ZNF446: variants seen among roughly 807,000 people sequenced by gnomAD.
ZNF446 encodes the protein zinc finger protein with KRAB and SCAN domains 20.
ZNF446 carries 42 observed loss-of-function variants against 34.0 expected under a neutral mutation model. The ratio of observed to expected loss-of-function variants is 1.23; its 90% confidence interval spans 0.96 to 1.60. The LOEUF (loss-of-function observed/expected upper bound fraction) is 1.60. ZNF446 is among the 40% of genes most tolerant of loss of function. The pLI is 0.00. For synonymous variants in ZNF446, 315 were observed against 251.0 expected (o/e 1.25, Z -2.41); for missense variants, 650 against 600.2 (o/e 1.08, Z -0.87).
chr19:58,481,073 G>A lies in ZNF446; in HGVS notation c.*347G>A. The A allele has an allele frequency of 3.3e-6, 1 of 303,332 alleles. No homozygotes were observed. The highest frequency in any genetic ancestry group is 6.3e-6 in the Non-Finnish European group (1 of 159,430). The allele number at this position is 303,332 out of a possible 1,614,324, so 18.8% of individuals were successfully genotyped here. The stretch of plus-strand genomic sequence containing the variant: ...CCTGGGACCTCCTTGCCTCAGGTGG[G>A]TGTTCAAAAACTGTGCCTTCCCACT... On this transcript the variant is annotated 3_prime_UTR_variant, in exon 7 of 7. Transcript: ENST00000594369.
At chr19:58,478,304 A>G in intron 4 of ZNF446, 123 bp downstream of exon 4, 1 of 851,952 alleles carries the variant, frequency 1.2e-6, no homozygotes, top group Non-Finnish European at 1.8e-6. Flanking sequence ...CCAGAAGTGG[A>G]GTCTGTAAAA....
chr19:58,479,933 T>A lies in ZNF446; in HGVS notation c.716T>A (p.Leu239Ter). The A allele has an allele frequency of 2.5e-6, 4 of 1,574,466 alleles. No homozygotes were observed. The highest frequency in any genetic ancestry group is 3.4e-6 in the Non-Finnish European group (4 of 1,163,118). ...EKYGTVVSLG[L>*]PPHQPEAQAQ... Reference sequence around the variant, plus strand: ...ACTGTGCCCCCCACCCGGGCAGGGTTACCGCCCCACCAGCCAGAGGCACAG... The same window carrying A: ...ACTGTGCCCCCCACCCGGGCAGGGTAACCGCCCCACCAGCCAGAGGCACAG... Residue 239 changes from leucine to a stop codon, truncating the protein, a stop_gained, in exon 6 of 7, where the codon TTA (leucine) becomes TAA (stop). Transcript: ENST00000594369. LOFTEE classifies it high-confidence loss of function.
downstream of ZNF446, among the ~76,000 whole-genome samples, chr19:58,483,114 T>C (rs576188831): frequency 2.6e-5 from 4 of 152,104 alleles, no homozygotes; most frequent in East Asian, 1.9e-4. Context: ...AGGCAACTTA[T>C]GTTGTTTCAC....
At chr19:58,488,589 C>T in the ZNF446 span, among the ~76,000 whole-genome samples, 8 of 149,444 alleles carry the variant, frequency 5.4e-5, no homozygotes, top group African/African-American at 2.0e-4. Context: ...CGGTGGCTCA[C>T]ACCTGTAATC....
the ZNF446 span, among the ~76,000 whole-genome samples, chr19:58,488,212 T>G: frequency 2.0e-3 from 184 of 90,968 alleles, no homozygotes; most frequent in African/African-American, 2.8e-3. Context: ...TGAGGACAGG[T>G]CTTCACCTGC....
intron 4 of ZNF446, 70 bp from the exon 5 acceptor site, chr19:58,479,573 G>T: frequency 6.5e-7 from 1 of 1,539,272 alleles, no homozygotes; most frequent in Non-Finnish European, 8.8e-7. Context: ...CGGGTAATAG[G>T]TAAGAATGTG....
Position 58,479,650 on chromosome 19 carries a change from G to A in ZNF446, c.635G>A (p.Trp212Ter). The A allele has an allele frequency of 6.2e-7, 1 of 1,613,772 alleles. No homozygotes were observed. Among genetic ancestry groups the A allele is most frequent in the African/African-American group, 1.3e-5 (1 of 75,016 alleles). ...SFHPPRIQEE[W>*]GLLDRSQKEL... ...GATGGGCCACATCCGCAGGAGGAGT[G>A]GGGGCTGCTGGACCGGTCACAGAAG... Residue 212 changes from tryptophan (W) to a stop codon, truncating the protein, a stop_gained, in exon 5 of 7, where the codon TGG (tryptophan) becomes TAG (stop). Transcript: ENST00000594369. LOFTEE classifies it high-confidence loss of function.
chr19:58,487,580 A>G, the ZNF446 span, among the ~76,000 whole-genome samples: 2 of 152,052 alleles, frequency 1.3e-5, no homozygotes, highest in Admixed American at 1.3e-4. Context: ...AGGTCGAGGC[A>G]GGGGGATCAC....
At chr19:58,484,008 G>A (rs1379214816), downstream of ZNF446, among the ~76,000 whole-genome samples, 1 of 152,120 alleles carries the variant, frequency 6.6e-6, no homozygotes, top group Non-Finnish European at 1.5e-5. Context: ...GGCTATTTCT[G>A]TAGTATAAAT....
At chr19:58,481,727 T>G (rs544057900), downstream of ZNF446, among the ~76,000 whole-genome samples, 3 of 152,340 alleles carry the variant, frequency 2.0e-5, no homozygotes, top group South Asian at 6.2e-4. Context: ...GATTCTCTTA[T>G]AGCTCTGAAG....
chr19:58,483,851 A>C (rs2053155465), downstream of ZNF446: 1 of 152,180 alleles, frequency 6.6e-6, no homozygotes, highest in Non-Finnish European at 1.5e-5. Flanking sequence ...CGAGCAGTTA[A>C]CTTTTTTCTT....
chr19:58,478,404 C>T (rs2053108425), intron 4 of ZNF446, among the ~76,000 whole-genome samples: 1 of 152,118 alleles, frequency 6.6e-6, no homozygotes, highest in African/African-American at 2.4e-5. Context: ...TGGCTTACAC[C>T]TGTAATCCTA....
chr19:58,488,865 C>CAA, the ZNF446 span, among the ~76,000 whole-genome samples: 1 of 130,932 alleles, frequency 7.6e-6, no homozygotes, highest in African/African-American at 3.0e-5. Flanking sequence ...AAAAAAAAAA[C>CAA]AAAAAAATAC....
At chr19:58,486,717 T>TTGGGGGGGG in the ZNF446 span, among the ~76,000 whole-genome samples, 2 of 90,044 alleles carry the variant, frequency 2.2e-5, no homozygotes, top group African/African-American at 1.0e-4. Flanking sequence ...CTTTTTTTTT[T>TTGGGGGGGG]GGGGGGGGGC....
the ZNF446 span, among the ~76,000 whole-genome samples, chr19:58,488,848 C>CAAAAAAAAAAA: frequency 2.0e-5 from 2 of 102,316 alleles, no homozygotes; most frequent in Non-Finnish European, 3.8e-5. Context: ...AAGACTCCGT[C>CAAAAAAAAAAA]AAAAAAAAAA....
chr19:58,488,287 TGGCCACACACCCTGTTCATGGCACTGTGA>T, the ZNF446 span, among the ~76,000 whole-genome samples: 1 of 144,866 alleles, frequency 6.9e-6, no homozygotes, highest in Non-Finnish European at 1.5e-5. Flanking sequence ...GCCTTGCTCG[TGGCCACACACCCTGTTCATGGCACTGTGA>T]GGGCAGGGCT....
chr19:58,477,801 G>A lies in ZNF446; in HGVS notation c.507G>A (p.Glu169=), dbSNP rs1427073062. 3 of 1,576,042 alleles carry A rather than the reference G, an allele frequency of 1.9e-6. No homozygotes were observed. Among genetic ancestry groups the A allele is most frequent in the Non-Finnish European group, 1.7e-6 (2 of 1,163,438 alleles). Residue 169 remains glutamate, a synonymous_variant, in exon 3 of 7, where the codon GAG becomes GAA. Coordinates refer to ENST00000594369, the MANE Select transcript of ZNF446 (RefSeq NM_017908.4). ...SVQLSCSVKE[E]PNVDGQEVAP... is the part of the protein sequence containing the mutation. ...AGCTCAGCTGCAGTGTGAAGGAGGA[G>A]CCCAATGTCGATGGACAGGAAGTGG...
chr19:58,486,941 T>G, the ZNF446 span, among the ~76,000 whole-genome samples: 1 of 151,940 alleles, frequency 6.6e-6, no homozygotes, highest in African/African-American at 2.4e-5. Flanking sequence ...TAGCTGGGAC[T>G]ACAGGTGCCC....
chr19:58,486,088 C>CT (rs71190045), downstream of ZNF446, among the ~76,000 whole-genome samples: 12,619 of 83,340 alleles, frequency 0.15, 1,131 homozygotes, highest in Non-Finnish European at 0.18. Flanking sequence ...AGCTAACTTT[C>CT]TTTTTTTTTT....
Sources: gnomAD v4.1 joint callset for allele counts (sites outside exome capture counted in the v4.1 genomes callset) on GRCh38, gnomAD v4.1.1 for gene constraint, MANE v1.5 for transcripts, NCBI Gene and HGNC (gene_info 2026-07-23, HGNC 2026-07-21) for gene names.